GRM4: variants seen among roughly 807,000 people sequenced by gnomAD.
GRM4 encodes metabotropic glutamate receptor 4.
In GRM4, 28 loss-of-function variants were observed where a neutral mutation model predicts 81.7. The ratio of observed to expected loss-of-function variants is 0.34; its 90% CI spans 0.25 to 0.47. The LOEUF (loss-of-function observed/expected upper bound fraction) is 0.47. GRM4 is among the 20% of genes least tolerant of loss of function. The pLI is 1.00. For missense variants in GRM4, 948 were observed against 1,290.0 expected, an observed-to-expected ratio of 0.73 and a Z score of 4.06; for synonymous variants, 488 against 528.8, an observed-to-expected ratio of 0.92 and a Z score of 1.06.
rs144471251 is a variant in GRM4 at position 34,036,749 on chromosome 6, A to T, written c.1507-146T>A. 501 of 585,254 alleles carry T rather than the reference A, an allele frequency of 8.6e-4. 1 individual carries two copies. The highest frequency in any genetic ancestry group is 1.3e-3 in the Non-Finnish European group (432 of 329,906). 36.3% of individuals were successfully genotyped at this position (585,254 alleles called of 1,614,324 possible). On this transcript the variant is annotated intron_variant, in intron 8 of 10. Transcript: ENST00000538487. The surrounding 1 kb of genome is among the most constrained non-coding windows in gnomAD (Gnocchi z 9.0). ...GTCCAGCTGCCCGGACCCCACAGGGACTTACTGAATCTAACAGCTGGAGTT... is the reference window on the plus strand; with the variant it reads ...GTCCAGCTGCCCGGACCCCACAGGGTCTTACTGAATCTAACAGCTGGAGTT...
intron 1 of GRM4, 133 bp downstream of exon 1, chr6:34,145,867 A>C: frequency 2.7e-6 from 1 of 370,750 alleles, no homozygotes; most frequent in Non-Finnish European, 3.7e-6. Flanking sequence ...CCGGAAGGCC[A>C]GGGCTCTCGC....
chr6:34,040,163 T>C lies in GRM4; in HGVS notation c.1506+15A>G, dbSNP rs1442159928. 1 of 1,612,738 alleles carries C rather than the reference T, an allele frequency of 6.2e-7. No individual in the cohort carries two copies. The highest frequency in any genetic ancestry group is 8.5e-7 in the Non-Finnish European group (1 of 1,178,886). ...CGTGAGTCACTCTCCACCCACTCCC[T>C]GCCCTCCCACTTACTCTAAGGTGCA... On this transcript the variant is annotated intron_variant, in intron 8 of 10. Coordinates refer to ENST00000538487, the MANE Select transcript of GRM4 (RefSeq NM_000841.4).
chr6:34,116,659 A>AAC (rs2127501561), intron 2 of GRM4, among the ~76,000 whole-genome samples: 1 of 152,184 alleles, frequency 6.6e-6, no homozygotes, highest in African/African-American at 2.4e-5. Flanking sequence ...AATTCCACTT[A>AAC]ATATATATAT....
intron 1 of GRM4, 131 bp downstream of exon 1, chr6:34,145,869 G>A (rs766104135): frequency 3.5e-5 from 15 of 424,678 alleles, no homozygotes; most frequent in Non-Finnish European, 4.7e-5. Context: ...GGAAGGCCAG[G>A]GCTCTCGCGG....
Position 34,114,458 on chromosome 6 carries a change from C to T in GRM4, c.519+18520G>A, listed in dbSNP as rs1465069911. ...TCAGCTTCAGGCCTTGCCCTGCAAC[C>T]AACCCTCCAGTCCACACCCAAAGGA... On this transcript the variant is annotated intron_variant, in intron 2 of 10. Transcript: ENST00000538487. The surrounding 1 kb of genome is among the most constrained non-coding windows in gnomAD (Gnocchi z 4.3). Among the ~76,000 whole-genome samples the T allele has an allele frequency of 6.6e-6, 1 of 152,106 alleles. No individual in the cohort carries two copies. The highest frequency in any genetic ancestry group is 1.5e-5 in the Non-Finnish European group (1 of 68,024).
At position 34,146,002 on chromosome 6, in the gene GRM4, CG is replaced by C; in HGVS notation, c.-367del. 1.0e-6 allele frequency: 1 copy of C among 985,536 alleles called. No individual in the cohort carries two copies. The highest frequency in any genetic ancestry group is 1.2e-6 in the Non-Finnish European group (1 of 830,072). 61.0% of individuals were successfully genotyped at this position (985,536 alleles called of 1,614,324 possible). On this transcript the variant is annotated 5_prime_UTR_variant, in exon 1 of 11. The change abolishes the stop of an existing upstream ORF in the 5' untranslated region. Transcript: ENST00000538487. Reference sequence around the variant, plus strand: ...CGTGCGCGTGCCAGCTCACCTACCCCGAGGACATGGCGGGGACCCCTTCTCA... The same window carrying C: ...CGTGCGCGTGCCAGCTCACCTACCCCAGGACATGGCGGGGACCCCTTCTCA...
chr6:34,126,258 T>C (rs1770016173), intron 2 of GRM4, among the ~76,000 whole-genome samples: 1 of 152,212 alleles, frequency 6.6e-6, no homozygotes, highest in South Asian at 2.1e-4. Flanking sequence ...CTCTGTGCCT[T>C]AGTTCTCAGT....
intron 1 of GRM4, among the ~76,000 whole-genome samples, chr6:34,154,237 T>A (rs1771101225): frequency 6.6e-6 from 1 of 152,182 alleles, no homozygotes; most frequent in Non-Finnish European, 1.5e-5. Flanking sequence ...CCCTGTGAGA[T>A]GGTGAGCACG....
chr6:34,077,371 A>G (rs34238418), intron 3 of GRM4, among the ~76,000 whole-genome samples: 9,356 of 152,136 alleles, frequency 0.061, 658 homozygotes, highest in African/African-American at 0.17. Flanking sequence ...AGGTCCAGCC[A>G]CACCTGGTAG....
chr6:34,087,479 C>T (rs927672342), intron 3 of GRM4, among the ~76,000 whole-genome samples: 1 of 151,970 alleles, frequency 6.6e-6, no homozygotes, highest in South Asian at 2.1e-4. Flanking sequence ...CGCTTGCCAC[C>T]GCCTGCCTTT....
intron 3 of GRM4, among the ~76,000 whole-genome samples, chr6:34,088,629 T>C (rs1038592657): frequency 2.0e-5 from 3 of 152,190 alleles, no homozygotes; most frequent in African/African-American, 7.2e-5. Flanking sequence ...GTAGAGTACC[T>C]GGTCTGACAG....
rs1378769409 is a variant in GRM4, at chr6:34,121,656, C to T, written c.519+11322G>A. On this transcript the variant is annotated intron_variant, in intron 2 of 10. Coordinates refer to ENST00000538487, the MANE Select transcript of GRM4 (RefSeq NM_000841.4). This position sits in a 1 kb window ranked among gnomAD's most constrained non-coding sequence, Gnocchi z 4.6. ...CAGGGCACCTCTGCTGGGCCAGGGCCAGGGCTGAGCAGAGCATCCCTCCTC... is the reference window on the plus strand; with the variant it reads ...CAGGGCACCTCTGCTGGGCCAGGGCTAGGGCTGAGCAGAGCATCCCTCCTC... 2.6e-5 allele frequency among the ~76,000 whole-genome samples: 4 copies of T among 152,188 alleles called. No individual in the cohort carries two copies. Among genetic ancestry groups the T allele is most frequent in the African/African-American group, 9.7e-5 (4 of 41,444 alleles).
chr6:34,065,989 T>A (rs77514361), intron 3 of GRM4, among the ~76,000 whole-genome samples: 1 of 151,680 alleles, frequency 6.6e-6, no homozygotes, highest in East Asian at 1.9e-4. Context: ...CCCGCCCAGG[T>A]TCCACACCTC....
At chr6:34,146,284 T>C, upstream of GRM4, 1 of 293,626 alleles carries the variant, frequency 3.4e-6, no homozygotes, top group Non-Finnish European at 5.1e-6. Flanking sequence ...TCTCACAGCC[T>C]GTCCAGGGGA....
chr6:34,067,943 C>T lies in GRM4; in HGVS notation c.737-5915G>A, dbSNP rs185001706. Reference sequence around the variant, plus strand: ...GTACAGGCCCCTCTCACATCACCTGCCTGCCTGCTGCCACCACTTTCCCTT... The same window carrying T: ...GTACAGGCCCCTCTCACATCACCTGTCTGCCTGCTGCCACCACTTTCCCTT... On this transcript the variant is annotated intron_variant, in intron 3 of 10. Coordinates refer to ENST00000538487, the MANE Select transcript of GRM4 (RefSeq NM_000841.4). Among the ~76,000 whole-genome samples the T allele has an allele frequency of 9.8e-5, 15 of 152,318 alleles. No homozygotes were observed. The East Asian group carries it at 2.9e-3, about 29-fold the overall frequency.
chr6:34,073,246 ACACATCACCACATAGATAC>A (rs1767102427), intron 3 of GRM4, among the ~76,000 whole-genome samples: 2 of 164 alleles, frequency 0.012, no homozygotes, highest in Non-Finnish European at 0.031. Flanking sequence ...TGCCACACAC[ACACATCACCACATAGATAC>A]CACGTCACCA....
chr6:34,066,715 C>T (rs998012128), intron 3 of GRM4, among the ~76,000 whole-genome samples: 3 of 151,804 alleles, frequency 2.0e-5, no homozygotes, highest in Non-Finnish European at 2.9e-5. Context: ...AAGAAGGTTC[C>T]GACTCAATCC....
chr6:34,029,208 C>T (rs899346264), intron 9 of GRM4, among the ~76,000 whole-genome samples: 1 of 152,176 alleles, frequency 6.6e-6, no homozygotes. Flanking sequence ...CAGGCTAGGC[C>T]TCCTGGGTCT....
rs558673138 is a variant in GRM4 at position 34,115,304 on chromosome 6, C to A, written c.519+17674G>T. ...CCCCCGTGGGTGAGGACAGCAGGCACAACACAGCCACTGCTGAATTATTTA... is the reference window on the plus strand; with the variant it reads ...CCCCCGTGGGTGAGGACAGCAGGCAAAACACAGCCACTGCTGAATTATTTA... On this transcript the variant is annotated intron_variant, in intron 2 of 10. Coordinates refer to ENST00000538487, the MANE Select transcript of GRM4 (RefSeq NM_000841.4). The surrounding 1 kb of genome is among the most constrained non-coding windows in gnomAD (Gnocchi z 4.1). Among the ~76,000 whole-genome samples the A allele has an allele frequency of 7.9e-5, 12 of 152,330 alleles. No homozygotes were observed. In the South Asian group the frequency reaches 1.4e-3, roughly 18 times the overall value.
Sources: gnomAD v4.1 joint callset for allele counts (sites outside exome capture counted in the v4.1 genomes callset) on GRCh38, gnomAD v4.1.1 for gene constraint, Gnocchi (gnomAD v3.1) non-coding constraint, MANE v1.5 for transcripts, NCBI Gene and HGNC (gene_info 2026-07-23, HGNC 2026-07-21) for gene names.